The following LHCGR variants were observed in gnomAD, a reference collection of about 807,000 sequenced individuals.
The protein encoded by LHCGR is luteinizing hormone/choriogonadotropin receptor, also known as lutropin-choriogonadotropic hormone receptor.
In LHCGR, 55 loss-of-function variants were observed where a neutral mutation model predicts 60.7. The ratio of observed to expected loss-of-function variants is 0.91; its 90% CI spans 0.73 to 1.13. The LOEUF (loss-of-function observed/expected upper bound fraction) is 1.13, where lower values mean the gene tolerates loss of function less well. LHCGR is among the 50% of genes most tolerant of loss of function. The pLI, the probability that LHCGR is intolerant of heterozygous loss-of-function variation, is 0.00. For synonymous variants in LHCGR, 337 were observed against 316.5 expected (o/e 1.06, Z -0.69); for missense variants, 862 against 836.0 (o/e 1.03, Z -0.38).
intron 3 of LHCGR, among the ~76,000 whole-genome samples, chr2:48,726,392 T>TTAG (rs1668731021): frequency 6.6e-6 from 1 of 152,126 alleles, no homozygotes; most frequent in African/African-American, 2.4e-5. Context: ...GCCTCACAGG[T>TTAG]TAGTAGGTTT....
At chr2:48,699,023 A>G (rs949621956) in intron 8 of LHCGR, among the ~76,000 whole-genome samples, 7 of 151,786 alleles carry the variant, frequency 4.6e-5, no homozygotes, top group Admixed American at 4.6e-4. Context: ...CCGGGGTTTC[A>G]CCGTGTTAGC....
chr2:48,688,756 T>C lies in LHCGR; in HGVS notation c.1041A>G (p.Pro347=). 6.2e-7 allele frequency: 1 copy of C among 1,614,122 alleles called. No individual in the cohort carries two copies. The highest frequency in any genetic ancestry group is 8.5e-7 in the Non-Finnish European group (1 of 1,179,988). Residue 347 remains proline (P), a synonymous_variant, in exon 11 of 11, where the codon CCA becomes CCG. Coordinates refer to ENST00000294954, the MANE Select transcript of LHCGR (RefSeq NM_000233.4). The surrounding 1 kb of genome is among the most constrained non-coding windows in gnomAD (Gnocchi z 5.2). ...LPKTPRCAPE[P]DAFNPCEDIM... Reference sequence around the variant, plus strand: ...TATCTTCACAGGGATTAAAAGCATCTGGTTCAGGAGCACATCGGGGTGTCT... The same window carrying C: ...TATCTTCACAGGGATTAAAAGCATCCGGTTCAGGAGCACATCGGGGTGTCT...
intron 7 of LHCGR, among the ~76,000 whole-genome samples, chr2:48,713,647 A>G (rs1668104724): frequency 6.6e-6 from 1 of 152,188 alleles, no homozygotes; most frequent in Middle Eastern, 3.2e-3. Flanking sequence ...GGCCAGGAGA[A>G]GAATTTCTTT....
chr2:48,740,732 A>G (rs1669410594), intron 1 of LHCGR, among the ~76,000 whole-genome samples: 1 of 152,130 alleles, frequency 6.6e-6, no homozygotes. Flanking sequence ...TAAAACCACA[A>G]AGATGGGGAA....
At chr2:48,742,412 C>G (rs1226895135) in intron 1 of LHCGR, among the ~76,000 whole-genome samples, 11 of 150,370 alleles carry the variant, frequency 7.3e-5, no homozygotes, top group African/African-American at 2.2e-4. Context: ...CCACACCACA[C>G]CTATTCCAAA....
At chr2:48,710,712 C>T (rs1412322075) in intron 7 of LHCGR, among the ~76,000 whole-genome samples, 1 of 152,208 alleles carries the variant, frequency 6.6e-6, no homozygotes, top group East Asian at 1.9e-4. Context: ...CCTCAGGTGC[C>T]TCAGGGCCAC....
chr2:48,740,072 G>C (rs574170626), intron 1 of LHCGR, among the ~76,000 whole-genome samples: 17 of 152,196 alleles, frequency 1.1e-4, no homozygotes, highest in Non-Finnish European at 2.2e-4. Flanking sequence ...GTCAAAGAAA[G>C]GGGTGACAGA....
At chr2:48,706,904 A>G (rs1166637789) in intron 8 of LHCGR, among the ~76,000 whole-genome samples, 1 of 151,944 alleles carries the variant, frequency 6.6e-6, no homozygotes, top group African/African-American at 2.4e-5. Context: ...AGCTCATCAA[A>G]CTCATTCTCC....
chr2:48,752,419 C>T (rs1350183354), intron 1 of LHCGR, among the ~76,000 whole-genome samples: 1 of 152,180 alleles, frequency 6.6e-6, no homozygotes. Flanking sequence ...CTCCTCCAAC[C>T]CTGAGAACTT....
intron 7 of LHCGR, 53 bp from the exon 8 acceptor site, chr2:48,709,075 T>A: frequency 1.4e-6 from 2 of 1,388,828 alleles, no homozygotes; most frequent in South Asian, 2.3e-5. Flanking sequence ...GTGTAAGCAT[T>A]CGTAGCTCCA....
At chr2:48,710,506 A>G (rs969306738) in intron 7 of LHCGR, among the ~76,000 whole-genome samples, 3 of 152,226 alleles carry the variant, frequency 2.0e-5, no homozygotes, top group Admixed American at 6.5e-5. Flanking sequence ...TGTATTATGC[A>G]ACTTGGTCAA....
chr2:48,755,195 T>C (rs952310829), intron 1 of LHCGR, among the ~76,000 whole-genome samples: 6 of 151,538 alleles, frequency 4.0e-5, no homozygotes, highest in African/African-American at 1.5e-4. Flanking sequence ...TTGAGGAGCG[T>C]CACACCCATA....
chr2:48,719,049 A>G (rs1313575220), intron 6 of LHCGR, among the ~76,000 whole-genome samples: 2 of 152,222 alleles, frequency 1.3e-5, no homozygotes, highest in East Asian at 3.9e-4. Flanking sequence ...TAGGCCGGGC[A>G]TGGTGGCTCA....
chr2:48,752,963 T>G (rs1301271111), intron 1 of LHCGR, among the ~76,000 whole-genome samples: 6 of 34,806 alleles, frequency 1.7e-4, no homozygotes, highest in Non-Finnish European at 1.9e-4. Flanking sequence ...AATAAATAGG[T>G]GTTATGCCGG....
intron 1 of LHCGR, chr2:48,733,227 G>A (rs574603089): frequency 1.6e-4 from 42 of 262,544 alleles, no homozygotes; most frequent in Non-Finnish European, 2.9e-4. Context: ...AAAAGCTTCA[G>A]CAGAACACTT....
intron 1 of LHCGR, among the ~76,000 whole-genome samples, chr2:48,751,168 C>A (rs1669939524): frequency 6.6e-6 from 1 of 152,152 alleles, no homozygotes; most frequent in South Asian, 2.1e-4. Flanking sequence ...GACTCCTAAT[C>A]ATGGTTTTTA....
In LHCGR at chr2:48,713,478, C is replaced by G. The variant is rs562146052; in HGVS notation, c.605+508G>C. ...TTCTTGAGTTAAAGGCTGTTAACAT[C>G]AAGAACTGGGTAGGGTGTGGTGAAA... On this transcript the variant is annotated intron_variant, in intron 7 of 10. Transcript: ENST00000294954. Among the ~76,000 whole-genome samples the G allele has an allele frequency of 1.7e-4, 26 of 152,214 alleles. No homozygotes were observed. The East Asian group carries it at 5.0e-3, about 29-fold the overall frequency.
chr2:48,711,155 C>T (rs1211224977), intron 7 of LHCGR, among the ~76,000 whole-genome samples: 2 of 152,218 alleles, frequency 1.3e-5, no homozygotes, highest in Admixed American at 1.3e-4. Flanking sequence ...TCCTTGTCAT[C>T]CTTCAGGCTC....
At chr2:48,753,533 C>A (rs552041969) in intron 1 of LHCGR, among the ~76,000 whole-genome samples, 1 of 152,140 alleles carries the variant, frequency 6.6e-6, no homozygotes, top group African/African-American at 2.4e-5. Flanking sequence ...GGGTCTCTAC[C>A]CCCAAACCTA....
Sources: allele counts gnomAD v4.1 joint callset (sites outside exome capture counted in the v4.1 genomes callset), GRCh38; gene constraint gnomAD v4.1.1; non-coding constraint Gnocchi (gnomAD v3.1); transcripts MANE v1.5; gene names NCBI Gene and HGNC (gene_info 2026-07-23, HGNC 2026-07-21).